Variants in UHRF1 observed in about 807,000 individuals in gnomAD.
The protein encoded by UHRF1 is ubiquitin like with PHD and ring finger domains 1.
UHRF1 carries 9 observed loss-of-function variants against 96.5 expected under a neutral mutation model. That is an observed-to-expected ratio of 0.09 (90% CI 0.06 to 0.16). The LOEUF (loss-of-function observed/expected upper bound fraction) is 0.16, where lower values mean the gene tolerates loss of function less well. UHRF1 is among the 10% of genes least tolerant of loss of function. The pLI is 1.00. For synonymous variants in UHRF1, 455 were observed against 469.9 expected (o/e 0.97, Z 0.41); for missense variants, 626 against 1,131.1 (o/e 0.55, Z 6.40).
chr19:4,941,726 C>A lies in UHRF1; in HGVS notation c.887-19C>A. ...TTGGCCGGGCCCCGCCGGAGCTGAC[C>A]CTGCCGCCCCGTGCCCAGGGAAGAG... On this transcript the variant is annotated intron_variant, in intron 6 of 16. Coordinates refer to ENST00000650932, the MANE Select transcript of UHRF1 (RefSeq NM_001048201.3). The A allele has an allele frequency of 6.5e-7, 1 of 1,547,222 alleles. No homozygotes were observed. The highest frequency in any genetic ancestry group is 1.2e-5 in the South Asian group (1 of 84,306).
chr19:4,916,386 C>G (rs560144022), intron 2 of UHRF1, among the ~76,000 whole-genome samples: 1 of 151,832 alleles, frequency 6.6e-6, no homozygotes, highest in African/African-American at 2.4e-5. Context: ...TTTTAGCTGT[C>G]AACATGGCGG....
rs1289828097 is a variant in UHRF1 at position 4,954,954 on chromosome 19, A to AC, written c.2130+134dup. 7 of 997,202 alleles carry AC rather than the reference A, an allele frequency of 7.0e-6. No individual in the cohort carries two copies. The Admixed American group carries it at 9.9e-5, about 14-fold the overall frequency. 61.8% of individuals were successfully genotyped at this position (997,202 alleles called of 1,614,324 possible). On this transcript the variant is annotated intron_variant, in intron 15 of 16. Coordinates refer to ENST00000650932, the MANE Select transcript of UHRF1 (RefSeq NM_001048201.3). The surrounding 1 kb of genome is among the most constrained non-coding windows in gnomAD (Gnocchi z 5.9). ...CTGAGTACATTCTTGTGGTTGTGCA[A>AC]CCATCACCACCATCACCACCTCCAG...
intron 1 of UHRF1, 116 bp downstream of exon 1, chr19:4,909,771 C>T (rs1010978623): frequency 6.4e-6 from 3 of 467,520 alleles, no homozygotes; most frequent in African/African-American, 6.2e-5. Flanking sequence ...GCACTCTGTC[C>T]CGGGATCCAG....
intron 15 of UHRF1, among the ~76,000 whole-genome samples, chr19:4,955,427 C>T (rs955635574): frequency 5.3e-5 from 8 of 152,090 alleles, no homozygotes; most frequent in Admixed American, 1.3e-4. Flanking sequence ...GGGAGGACCT[C>T]GGGGTGACAT....
At chr19:4,939,875 T>C (rs2146354510) in intron 5 of UHRF1, among the ~76,000 whole-genome samples, 1 of 152,106 alleles carries the variant, frequency 6.6e-6, no homozygotes, top group African/African-American at 2.4e-5. Flanking sequence ...ATACAAAAAA[T>C]TAGCCAGGCG....
At chr19:4,928,714 C>T (rs1392792996) in intron 2 of UHRF1, among the ~76,000 whole-genome samples, 1 of 152,174 alleles carries the variant, frequency 6.6e-6, no homozygotes, top group Non-Finnish European at 1.5e-5. Context: ...TGGGACCGTC[C>T]TGGGCACTGC....
At chr19:4,941,238 G>A (rs1190071040) in intron 5 of UHRF1, among the ~76,000 whole-genome samples, 1 of 151,390 alleles carries the variant, frequency 6.6e-6, no homozygotes, top group African/African-American at 2.4e-5. Context: ...TTACATGCGC[G>A]CTTCTCCAAG....
upstream of UHRF1, among the ~76,000 whole-genome samples, chr19:4,904,769 A>G (rs990221407): frequency 2.0e-5 from 3 of 152,162 alleles, no homozygotes; most frequent in African/African-American, 7.2e-5. Context: ...GGAATCAATA[A>G]AAGTTTGTTG....
Position 4,915,383 on chromosome 19 carries a change from G to A in UHRF1, c.153+4345G>A, listed in dbSNP as rs992293411. ...AGCAGCTGTAGACAATCTGTAAACC[G>A]GTGGGCGTGGCTTTGTTCCAATAAA... On this transcript the variant is annotated intron_variant, in intron 2 of 16. Transcript: ENST00000650932. Among the ~76,000 whole-genome samples, 10 of 152,324 alleles carry A rather than the reference G, an allele frequency of 6.6e-5. No homozygotes were observed. In the South Asian group the frequency reaches 1.0e-3, roughly 16 times the overall value.
At position 4,956,697 on chromosome 19, in the gene UHRF1, G is replaced by T; in HGVS notation, c.2131-12G>T. 1.9e-6 allele frequency: 3 copies of T among 1,592,054 alleles called. No homozygotes were observed. The South Asian group carries it at 3.4e-5, about 18-fold the overall frequency. On this transcript the variant is annotated splice_polypyrimidine_tract_variant and intron_variant, in intron 15 of 16. Transcript: ENST00000650932. The stretch of plus-strand genomic sequence containing the variant: ...CGGTGTCTTTGCCGGCCTCACACCC[G>T]CTTCCCTCTAGTTCCAGTTGTTCCT...
In UHRF1 at chr19:4,930,831, G is replaced by A; in HGVS notation, c.524G>A (p.Arg175Lys). ...GACGAGCCCTGCAGCTCCACGTCCA[G>A]GCCGGCGCTGGAGGAGGACGTCATT... ...SRDEPCSSTS[R>K]PALEEDVIYH... The change falls in exon 4 of 17, where the codon AGG (arginine) becomes AAG (lysine). Residue 175 changes from arginine to lysine, a missense_variant. By Grantham distance (26) the Arg-to-Lys change is conservative. Transcript: ENST00000650932. This position sits in a 1 kb window ranked among gnomAD's most constrained non-coding sequence, Gnocchi z 4.4. The A allele has an allele frequency of 6.2e-7, 1 of 1,613,998 alleles. No individual in the cohort carries two copies. The highest frequency in any genetic ancestry group is 8.5e-7 in the Non-Finnish European group (1 of 1,179,900).
At chr19:4,942,383 G>A (rs955853915) in intron 7 of UHRF1, among the ~76,000 whole-genome samples, 2 of 151,632 alleles carry the variant, frequency 1.3e-5, no homozygotes, top group African/African-American at 4.9e-5. Flanking sequence ...GTAGAGATGG[G>A]GTTTCACCTT....
At position 4,932,777 on chromosome 19, in the gene UHRF1, G is replaced by A. The variant is rs1275044726; in HGVS notation, c.606G>A (p.Arg202=). ...ACGGCGTGGTCCAGATGAACTCCAG[G>A]GACGTCCGAGCGCGCGCCCGCACCA... is the stretch of plus-strand genomic sequence containing the variant. ...PENGVVQMNS[R]DVRARARTII... The change falls in exon 5 of 17, where the codon AGG becomes AGA. Residue 202 remains arginine, a synonymous_variant. Transcript: ENST00000650932. 7 of 1,613,866 alleles carry A rather than the reference G, an allele frequency of 4.3e-6. No individual in the cohort carries two copies. Among genetic ancestry groups the A allele is most frequent in the Non-Finnish European group, 5.1e-6 (6 of 1,179,896 alleles).
chr19:4,938,083 G>A (rs1326925211), intron 5 of UHRF1, among the ~76,000 whole-genome samples: 1 of 152,034 alleles, frequency 6.6e-6, no homozygotes, highest in Non-Finnish European at 1.5e-5. Context: ...GAACCTGGGA[G>A]GTGGAGGTTG....
At chr19:4,960,233 C>T (rs184035034) in intron 16 of UHRF1, among the ~76,000 whole-genome samples, 6 of 152,348 alleles carry the variant, frequency 3.9e-5, no homozygotes, top group Non-Finnish European at 5.9e-5. Flanking sequence ...GCTCAGGGAG[C>T]ATCTGCCCTG....
intron 4 of UHRF1, 151 bp from the exon 5 acceptor site, chr19:4,932,590 A>G (rs2033087116): frequency 1.3e-6 from 1 of 767,434 alleles, no homozygotes; most frequent in Non-Finnish European, 2.1e-6. Context: ...GTGCCTTAAT[A>G]TACCTGTGTG....
Position 4,954,234 on chromosome 19 carries a change from G to T in UHRF1, c.1819-116G>T. 6.7e-7 allele frequency: 1 copy of T among 1,483,622 alleles called. No individual in the cohort carries two copies. 91.9% of individuals were successfully genotyped at this position (1,483,622 alleles called of 1,614,324 possible). ...AGGACTACCCTGTGCTCTTCAGGGG[G>T]ATTGGGGGTCAGGTGTGTCTGGAAA... is the stretch of plus-strand genomic sequence containing the variant. On this transcript the variant is annotated intron_variant, in intron 13 of 16. Transcript: ENST00000650932. This position sits in a 1 kb window ranked among gnomAD's most constrained non-coding sequence, Gnocchi z 5.9.
chr19:4,942,674 T>A (rs917375352), intron 7 of UHRF1, among the ~76,000 whole-genome samples: 4 of 152,048 alleles, frequency 2.6e-5, no homozygotes, highest in Non-Finnish European at 5.9e-5. Flanking sequence ...GTCTCTTAAC[T>A]CCTGACCTTA....
chr19:4,960,273 T>C (rs746780897), intron 16 of UHRF1, among the ~76,000 whole-genome samples: 1 of 152,192 alleles, frequency 6.6e-6, no homozygotes, highest in African/African-American at 2.4e-5. Context: ...ATTAATAATA[T>C]ATAACACGGC....
Sources: allele counts gnomAD v4.1 joint callset (sites outside exome capture counted in the v4.1 genomes callset), GRCh38; gene constraint gnomAD v4.1.1; non-coding constraint Gnocchi (gnomAD v3.1); transcripts MANE v1.5; gene names NCBI Gene and HGNC (gene_info 2026-07-23, HGNC 2026-07-21).